PLEC: variants seen among roughly 807,000 people sequenced by gnomAD.
PLEC encodes the protein hemidesmosomal protein 1.
In PLEC, 216 loss-of-function variants were observed where a neutral mutation model predicts 392.8. The observed-to-expected ratio is 0.55, with a 90% CI of 0.49 to 0.62. PLEC has a LOEUF of 0.62. Among genes scored for constraint, PLEC ranks in the 20% least tolerant of loss-of-function variants. PLEC has a pLI of 0.00. For missense variants in PLEC, 6,863 were observed against 6,563.4 expected (o/e 1.05, Z -1.58); for synonymous variants, 3,621 against 2,980.6 (o/e 1.21, Z -7.00).
In PLEC at chr8:143,925,511, C is replaced by T. The variant is rs868991549; in HGVS notation, c.4418G>A (p.Gly1473Glu). 3.1e-6 allele frequency: 5 copies of T among 1,595,726 alleles called. No individual in the cohort carries two copies. The highest frequency in any genetic ancestry group is 1.7e-6 in the Non-Finnish European group (2 of 1,177,974). Residue 1473 changes from glycine (G) to glutamate (E), a missense_variant, in exon 31 of 32, where the codon GGG becomes GAG. Transcript: ENST00000345136. ...CCGTGCACGCAGTGCCTGCAGCTCC[C>T]CCTCAGCCCCGCCACGCTGGCGCTC... ...ATERQRGGAE[G>E]ELQALRARAE...
chr8:143,968,736 A>T (rs1488271633), intron 1 of PLEC, among the ~76,000 whole-genome samples: 1 of 152,234 alleles, frequency 6.6e-6, no homozygotes. Flanking sequence ...AATGGCCAAC[A>T]ATCACACCAA....
At chr8:143,940,781 G>T (rs1830316381), upstream of PLEC, among the ~76,000 whole-genome samples, 1 of 152,090 alleles carries the variant, frequency 6.6e-6, no homozygotes. Flanking sequence ...CACAATGGGG[G>T]GTGCCCAAAC....
At chr8:143,934,169 C>T (rs1265231485) in intron 11 of PLEC, 78 bp from the exon 12 acceptor site, 10 of 1,587,174 alleles carry the variant, frequency 6.3e-6, no homozygotes, top group Admixed American at 1.7e-5. Flanking sequence ...GCTCGCCTCC[C>T]GCTCCGGTCT....
Position 143,925,725 on chromosome 8 carries a change from C to G in PLEC, c.4204G>C (p.Val1402Leu). The G allele has an allele frequency of 6.3e-7, 1 of 1,595,828 alleles. No individual in the cohort carries two copies. The highest frequency in any genetic ancestry group is 2.2e-5 in the East Asian group (1 of 44,780). Residue 1402 changes from valine (V) to leucine (L), a missense_variant, in exon 31 of 32, where the codon GTG (valine) becomes CTG (leucine). By Grantham distance (32) the Val-to-Leu change is conservative. Transcript: ENST00000345136. ...ELQQRMQEEV[V>L]RREEAAVDAQ... The stretch of plus-strand genomic sequence containing the variant: ...TCCACCGCCGCCTCCTCCCGCCGCA[C>G]CACCTCCTCCTGCATGCGCTGCTGC...
upstream of PLEC, among the ~76,000 whole-genome samples, chr8:143,940,638 C>T (rs187682840): frequency 2.0e-5 from 3 of 152,336 alleles, no homozygotes; most frequent in East Asian, 3.9e-4. Flanking sequence ...GCTGCCCCAA[C>T]CACAAGAATG....
chr8:143,937,309 C>T, intron 3 of PLEC, 67 bp from the exon 4 acceptor site: 8 of 1,225,760 alleles, frequency 6.5e-6, no homozygotes, highest in Non-Finnish European at 9.6e-6. Context: ...TCAGCATGCC[C>T]CAAAGCGCCG....
In PLEC at chr8:143,929,081, G is replaced by A. The variant is rs1554710113; in HGVS notation, c.3260+22C>T. 3.2e-6 allele frequency: 5 copies of A among 1,554,124 alleles called. No individual in the cohort carries two copies. In the South Asian group the frequency reaches 3.5e-5, roughly 11 times the overall value. On this transcript the variant is annotated intron_variant, in intron 25 of 31. Coordinates refer to ENST00000345136, the MANE Select transcript of PLEC (RefSeq NM_201384.3). ...ACCCCCCAGCCGACCCCAGCCCCTC[G>A]CCTGTGGCCAGGTGCACTCACTTCT...
In PLEC at chr8:143,929,757, G is replaced by A. The variant is rs1306436826; in HGVS notation, c.2812C>T (p.Arg938Trp). 1.3e-5 allele frequency: 21 copies of A among 1,599,740 alleles called. No homozygotes were observed. The highest frequency in any genetic ancestry group is 4.5e-5 in the East Asian group (2 of 44,820). The stretch of plus-strand genomic sequence containing the variant: ...AAGCCGCCCGCGTCCTGGCTGTCCC[G>A]CAGGAAGGCCTGGTAGTGCAGCTCC... ...SLELHYQAFL[R>W]DSQDAGGFGP... is the part of the protein sequence containing the mutation. Residue 938 changes from arginine (R) to tryptophan (W), a missense_variant, in exon 23 of 32, where the codon CGG becomes TGG. Transcript: ENST00000345136.
At chr8:143,944,094 G>T, upstream of PLEC, 1 of 681,956 alleles carries the variant, frequency 1.5e-6, no homozygotes, top group East Asian at 2.9e-5. Context: ...CCGCGGGTCC[G>T]GCCCTCGGCG....
In PLEC at chr8:143,916,474, C is replaced by T. The variant is rs368660987; in HGVS notation, c.13347G>A (p.Ala4449=). The change falls in exon 32 of 32, where the codon GCG becomes GCA. Residue 4449 remains alanine, a synonymous_variant. Coordinates refer to ENST00000345136, the MANE Select transcript of PLEC (RefSeq NM_201384.3). The part of the protein sequence containing the change: ...KTKLKISYKD[A]LDRSMVEEGT... ...CCTCCTCCACCATGCTGCGGTCCAG[C>T]GCGTCCTTATAGGAGATCTTGAGCT... 71 of 1,611,374 alleles carry T rather than the reference C, an allele frequency of 4.4e-5. No homozygotes were observed. In the African/African-American group the frequency reaches 4.8e-4, roughly 11 times the overall value.
rs782672214 is a variant in PLEC, at chr8:143,925,183, G to A, written c.4746C>T (p.Arg1582=). 24 of 1,575,934 alleles carry A rather than the reference G, an allele frequency of 1.5e-5. No individual in the cohort carries two copies. Among genetic ancestry groups the A allele is most frequent in the East Asian group, 2.3e-5 (1 of 43,332 alleles). Residue 1582 remains arginine (R), a synonymous_variant, in exon 31 of 32, where the codon CGC becomes CGT. Transcript: ENST00000345136. ...RSAEAELQSK[R]ASFAEKTAQL... Reference sequence around the variant, plus strand: ...GTGCCGTCTTCTCGGCGAAGGAGGCGCGTTTGCTCTGCAGCTCCGCCTCTG... The same window carrying A: ...GTGCCGTCTTCTCGGCGAAGGAGGCACGTTTGCTCTGCAGCTCCGCCTCTG...
rs781906543 is a variant in PLEC at position 143,917,211 on chromosome 8, C to T, written c.12610G>A (p.Asp4204Asn). ...TTCTTGGCGATGGCATCATCGATGT[C>T]GTACTGGCGCCCGGAGCGGCGGTCG... is the stretch of plus-strand genomic sequence containing the variant. ...IIDRRSGRQY[D>N]IDDAIAKNLI... Residue 4204 changes from aspartate (D) to asparagine (N), a missense_variant, in exon 32 of 32, where the codon GAC (aspartate) becomes AAC (asparagine). Transcript: ENST00000345136. The T allele has an allele frequency of 8.7e-6, 14 of 1,612,862 alleles. No homozygotes were observed. Among genetic ancestry groups the T allele is most frequent in the Middle Eastern group, 1.6e-4 (1 of 6,084 alleles).
rs1827747659 is a variant in PLEC, at chr8:143,932,710, G to A, written c.1740C>T (p.Gly580=). 6.2e-7 allele frequency: 1 copy of A among 1,606,970 alleles called. No individual in the cohort carries two copies. Among genetic ancestry groups the A allele is most frequent in the Admixed American group, 1.7e-5 (1 of 59,360 alleles). ...AKIERARSDE[G]QLSPATRGAY... Reference sequence around the variant, plus strand: ...CACCCCGGGTGGCGGGGGAGAGCTGGCCCTGCAACAGATGAGACGGTGAGG... The same window carrying A: ...CACCCCGGGTGGCGGGGGAGAGCTGACCCTGCAACAGATGAGACGGTGAGG... Residue 580 remains glycine (G), a splice_region_variant and synonymous_variant, in exon 15 of 32, where the codon GGC becomes GGT. Coordinates refer to ENST00000345136, the MANE Select transcript of PLEC (RefSeq NM_201384.3).
Position 143,920,701 on chromosome 8 carries a change from G to A in PLEC, c.9120C>T (p.Ile3040=), listed in dbSNP as rs1194685435. The change falls in exon 32 of 32, where the codon ATC becomes ATT. Residue 3040 remains isoleucine, a synonymous_variant. Transcript: ENST00000345136. ...GCAGGTCTTTCTTCAGGGCATTGTA[G>A]ATACTCAGCTTCTGCCCCGCCTCCT... is the stretch of plus-strand genomic sequence containing the variant. ...WLEEAGQKLS[I]YNALKKDLLP... is the part of the protein sequence containing the mutation. The A allele has an allele frequency of 5.0e-6, 8 of 1,602,782 alleles. No homozygotes were observed. The highest frequency in any genetic ancestry group is 2.2e-5 in the East Asian group (1 of 44,874).
chr8:143,924,489 T>C lies in PLEC; in HGVS notation c.5440A>G (p.Lys1814Glu). ...TCCTCGGCCAGCTGCCGCTGCCGCT[T>C]GGCCTCTTCCGCCAGGGCACGCAGG... The part of the protein sequence containing the change: ...ARLRALAEEA[K>E]RQRQLAEEDA... Residue 1814 changes from lysine to glutamate, a missense_variant, in exon 31 of 32, where the codon AAG becomes GAG. Coordinates refer to ENST00000345136, the MANE Select transcript of PLEC (RefSeq NM_201384.3). 1 of 1,541,436 alleles carries C rather than the reference T, an allele frequency of 6.5e-7. No homozygotes were observed. The highest frequency in any genetic ancestry group is 8.7e-7 in the Non-Finnish European group (1 of 1,151,918).
upstream of PLEC, among the ~76,000 whole-genome samples, chr8:143,941,552 G>C (rs1363805288): frequency 1.3e-5 from 2 of 152,044 alleles, no homozygotes; most frequent in Non-Finnish European, 2.9e-5. Context: ...AGGTGGGCTG[G>C]GGGCTCGGTC....
In PLEC at chr8:143,919,465, C is replaced by T. The variant is rs1840270863; in HGVS notation, c.10356G>A (p.Gln3452=). The change falls in exon 32 of 32, where the codon CAG becomes CAA. Residue 3452 remains glutamine, a synonymous_variant. Coordinates refer to ENST00000345136, the MANE Select transcript of PLEC (RefSeq NM_201384.3). ...CGTGCTGCCGGAGAACCAGGCCCTTCTGCATGGCCTGGAAGAGGGAGATGG... is the reference window on the plus strand; with the variant it reads ...CGTGCTGCCGGAGAACCAGGCCCTTTTGCATGGCCTGGAAGAGGGAGATGG... ...GSTISLFQAM[Q]KGLVLRQHGI... is the part of the protein sequence containing the mutation. The T allele has an allele frequency of 1.9e-6, 3 of 1,613,292 alleles. No individual in the cohort carries two copies. The highest frequency in any genetic ancestry group is 1.3e-5 in the African/African-American group (1 of 75,066).
chr8:143,959,831 C>A (rs1485531584), intron 1 of PLEC, among the ~76,000 whole-genome samples: 2 of 151,388 alleles, frequency 1.3e-5, no homozygotes, highest in African/African-American at 4.9e-5. Flanking sequence ...CCCATCTCTA[C>A]TAAAAATACA....
chr8:143,953,847 G>T, upstream of PLEC: 1 of 1,588,380 alleles, frequency 6.3e-7, no homozygotes, highest in Non-Finnish European at 8.6e-7. Flanking sequence ...CCAGGCCAGC[G>T]CCGCAGCCGG....
Sources: allele counts gnomAD v4.1 joint callset (sites outside exome capture counted in the v4.1 genomes callset), GRCh38; gene constraint gnomAD v4.1.1; transcripts MANE v1.5; gene names NCBI Gene and HGNC (gene_info 2026-07-23, HGNC 2026-07-21).